Variants in SMU1 observed in about 807,000 individuals in gnomAD.
SMU1 encodes SMU1 DNA replication regulator and spliceosomal factor.
SMU1 carries 2 observed loss-of-function variants against 62.0 expected under a neutral mutation model. The observed-to-expected ratio is 0.03, with a 90% CI of 0.01 to 0.10. SMU1 has a LOEUF of 0.10. Ranked by LOEUF, SMU1 falls within the 10% of genes least tolerant of loss-of-function variation. The pLI is 1.00. For synonymous variants in SMU1, 188 were observed against 212.4 expected (o/e 0.89, Z 1.00); for missense variants, 227 against 622.1 (o/e 0.36, Z 6.76).
chr9:33,074,202 A>AG (rs772219932), intron 1 of SMU1, among the ~76,000 whole-genome samples: 17 of 152,298 alleles, frequency 1.1e-4, no homozygotes, highest in African/African-American at 4.1e-4. Context: ...CTGGCTCATG[A>AG]CTGTAATCTC....
intron 4 of SMU1, among the ~76,000 whole-genome samples, chr9:33,062,852 G>A (rs1839378276): frequency 1.3e-5 from 2 of 152,152 alleles, no homozygotes; most frequent in South Asian, 4.1e-4. Flanking sequence ...AAAAGAACAT[G>A]AATGGTTAAG....
In SMU1 at chr9:33,073,187, A is replaced by G. The variant is rs562194377; in HGVS notation, c.237+409T>C. On this transcript the variant is annotated intron_variant, in intron 2 of 11. Coordinates refer to ENST00000397149, the MANE Select transcript of SMU1 (RefSeq NM_018225.3). The stretch of plus-strand genomic sequence containing the variant: ...CAAGGCTGGCGAACTGCTTGAGCCC[A>G]GGAGTTTGAGACCACCCTGGGTATT... Among the ~76,000 whole-genome samples, 14 of 152,252 alleles carry G rather than the reference A, an allele frequency of 9.2e-5. No individual in the cohort carries two copies. In the South Asian group the frequency reaches 2.7e-3, roughly 29 times the overall value.
chr9:33,049,711 A>C (rs749929475), intron 10 of SMU1, among the ~76,000 whole-genome samples: 20 of 152,064 alleles, frequency 1.3e-4, no homozygotes, highest in Non-Finnish European at 2.9e-4. Flanking sequence ...TGGGAGGATC[A>C]CTTGAGGCCA....
At chr9:33,056,723 T>C (rs1839307939) in intron 8 of SMU1, 114 bp downstream of exon 8, 2 of 1,167,358 alleles carry the variant, frequency 1.7e-6, no homozygotes, top group African/African-American at 1.5e-5. Flanking sequence ...CCTCTCCATA[T>C]CACATCATCA....
At position 33,042,540 on chromosome 9, in the gene SMU1, C is replaced by T. The variant is rs1354307509; in HGVS notation, c.*4753G>A. 2 of 152,248 alleles carry T rather than the reference C, an allele frequency of 1.3e-5. No individual in the cohort carries two copies. Among genetic ancestry groups the T allele is most frequent in the Non-Finnish European group, 2.9e-5 (2 of 68,056 alleles). 9.4% of individuals were successfully genotyped at this position (152,248 alleles called of 1,614,324 possible). A position where few individuals can be genotyped will look rare whatever the true frequency, so the allele number is the denominator to read the frequency against. On this transcript the variant is annotated 3_prime_UTR_variant, in exon 12 of 12. Coordinates refer to ENST00000397149, the MANE Select transcript of SMU1 (RefSeq NM_018225.3). ...TGCTCTTGGAACAGTGGCAAATTTTCTGTACGTGAAATTAGCTTCTCAACT... is the reference window on the plus strand; with the variant it reads ...TGCTCTTGGAACAGTGGCAAATTTTTTGTACGTGAAATTAGCTTCTCAACT...
chr9:33,045,156 CTA>C lies in SMU1; in HGVS notation c.*2135_*2136del, dbSNP rs1176115505. The C allele has an allele frequency of 1.3e-5, 2 of 152,208 alleles. No homozygotes were observed. Among genetic ancestry groups the C allele is most frequent in the African/African-American group, 2.4e-5 (1 of 41,446 alleles). 9.4% of individuals were successfully genotyped at this position (152,208 alleles called of 1,614,324 possible). On this transcript the variant is annotated 3_prime_UTR_variant, in exon 12 of 12. Coordinates refer to ENST00000397149, the MANE Select transcript of SMU1 (RefSeq NM_018225.3). The stretch of plus-strand genomic sequence containing the variant: ...CCATCTTCATAAACGGTGATACAAA[CTA>C]TGCACATCATAACTACCAGCTTCAT...
rs1284262822 is a variant in SMU1, at chr9:33,045,466, G to C, written c.*1827C>G. 2 of 152,224 alleles carry C rather than the reference G, an allele frequency of 1.3e-5. No individual in the cohort carries two copies. Among genetic ancestry groups the C allele is most frequent in the African/African-American group, 4.8e-5 (2 of 41,444 alleles). The allele number at this position is 152,224 out of a possible 1,614,324, so 9.4% of individuals were successfully genotyped here. ...ATGACTGGGAAAGAGGGATTTCTTA[G>C]TGCTGCCCAGAATTAATTCAGCAAA... is the stretch of plus-strand genomic sequence containing the variant. On this transcript the variant is annotated 3_prime_UTR_variant, in exon 12 of 12. Transcript: ENST00000397149.
intron 9 of SMU1, 126 bp downstream of exon 9, chr9:33,055,987 T>A (rs1262982524): frequency 1.1e-6 from 1 of 937,750 alleles, no homozygotes. Flanking sequence ...TCACCTCAAT[T>A]ACAGCTAAAA....
At chr9:33,048,636 G>A (rs1463426996) in intron 10 of SMU1, among the ~76,000 whole-genome samples, 2 of 152,308 alleles carry the variant, frequency 1.3e-5, no homozygotes, top group South Asian at 2.1e-4. Context: ...AGAATGAGAA[G>A]CTTTCCCCAT....
intron 9 of SMU1, among the ~76,000 whole-genome samples, chr9:33,055,122 T>C (rs1414799224): frequency 4.7e-4 from 71 of 152,230 alleles, no homozygotes; most frequent in East Asian, 1.9e-3. Flanking sequence ...CGATTTCCAA[T>C]CATGAACAGC....
chr9:33,076,502 C>T, intron 1 of SMU1, 81 bp downstream of exon 1: 2 of 1,564,308 alleles, frequency 1.3e-6, no homozygotes, highest in Non-Finnish European at 1.8e-6. Context: ...TCTCGGATGC[C>T]TTCTCCCGAG....
At position 33,043,537 on chromosome 9, in the gene SMU1, GAAGTGACAGCAA is replaced by G. The variant is rs1564017556; in HGVS notation, c.*3744_*3755del. On this transcript the variant is annotated 3_prime_UTR_variant, in exon 12 of 12. Coordinates refer to ENST00000397149, the MANE Select transcript of SMU1 (RefSeq NM_018225.3). ...ACCACTGTTCTAGCACAAGCCAAAA[GAAGTGACAGCAA>G]AGACTGACATCCAGAATCCTCTAAT... The G allele has an allele frequency of 2.6e-5, 4 of 152,254 alleles. No homozygotes were observed. The highest frequency in any genetic ancestry group is 9.6e-5 in the African/African-American group (4 of 41,458). The allele number at this position is 152,254 out of a possible 1,614,324, so 9.4% of individuals were successfully genotyped here. A position where few individuals can be genotyped will look rare whatever the true frequency, so the allele number is the denominator to read the frequency against.
rs912144689 is a variant in SMU1, at chr9:33,044,598, G to C, written c.*2695C>G. ...TGGGGCTTCAGAAAGGCTAGGCGCC[G>C]AGGAGTGTAAGCAGCGTGTGCCCAT... On this transcript the variant is annotated 3_prime_UTR_variant, in exon 12 of 12. Coordinates refer to ENST00000397149, the MANE Select transcript of SMU1 (RefSeq NM_018225.3). 1.3e-5 allele frequency: 2 copies of C among 152,306 alleles called. No individual in the cohort carries two copies. Among genetic ancestry groups the C allele is most frequent in the African/African-American group, 4.8e-5 (2 of 41,466 alleles). The allele number at this position is 152,306 out of a possible 1,614,324, so 9.4% of individuals were successfully genotyped here.
rs142114103 is a variant in SMU1, at chr9:33,069,820, A to C, written c.391-886T>G. Among the ~76,000 whole-genome samples the C allele has an allele frequency of 2.1e-3, 313 of 151,942 alleles. 2 individuals are homozygous for C. Among genetic ancestry groups the C allele is most frequent in the African/African-American group, 7.3e-3 (304 of 41,422 alleles). On this transcript the variant is annotated intron_variant, in intron 3 of 11. Transcript: ENST00000397149. ...TCTGTCTCAGAAAAATAAATAAACA[A>C]ATAAATAAATAACCAGAATACAGGG...
chr9:33,059,879 T>G (rs1207309397), intron 6 of SMU1, among the ~76,000 whole-genome samples: 2 of 151,970 alleles, frequency 1.3e-5, no homozygotes, highest in African/African-American at 4.8e-5. Flanking sequence ...CCTAAAGTGC[T>G]GGGATTACAG....
intron 3 of SMU1, among the ~76,000 whole-genome samples, 195 bp from the exon 4 acceptor site, chr9:33,069,129 TA>T (rs752203071): frequency 3.3e-5 from 5 of 152,214 alleles, no homozygotes; most frequent in Non-Finnish European, 7.3e-5. Flanking sequence ...ATTTCAAAAG[TA>T]TGAGTTGGGA....
intron 5 of SMU1, 132 bp from the exon 6 acceptor site, chr9:33,060,716 G>T (rs1458842452): frequency 2.7e-6 from 3 of 1,102,824 alleles, no homozygotes; most frequent in East Asian, 2.8e-5. Flanking sequence ...GTATTGGAGG[G>T]GTATTTCTGT....
chr9:33,074,119 C>T (rs2117887230), intron 1 of SMU1, among the ~76,000 whole-genome samples: 1 of 152,222 alleles, frequency 6.6e-6, no homozygotes, highest in South Asian at 2.1e-4. Context: ...TATATTGTAG[C>T]ACACTTCACT....
chr9:33,053,186 G>A lies in SMU1; in HGVS notation c.1227C>T (p.Asn409=), dbSNP rs1221016767. 6.2e-7 allele frequency: 1 copy of A among 1,612,284 alleles called. No homozygotes were observed. Among genetic ancestry groups the A allele is most frequent in the Non-Finnish European group, 8.5e-7 (1 of 1,180,024 alleles). The change falls in exon 10 of 12, where the codon AAC becomes AAT. Residue 409 remains asparagine (N), a synonymous_variant. Coordinates refer to ENST00000397149, the MANE Select transcript of SMU1 (RefSeq NM_018225.3). ...TGTTGCACACCACAAAGTGCTCAGG[G>A]TTTTTAGGAAGTAGAATCACACTGT... The part of the protein sequence containing the change: ...TVNSVILLPK[N]PEHFVVCNRS...
Sources: gnomAD v4.1 joint callset for allele counts (sites outside exome capture counted in the v4.1 genomes callset) on GRCh38, gnomAD v4.1.1 for gene constraint, MANE v1.5 for transcripts, NCBI Gene and HGNC (gene_info 2026-07-23, HGNC 2026-07-21) for gene names.